RSRP1: variants seen among roughly 807,000 people sequenced by gnomAD.
The protein encoded by RSRP1 is arginine and serine rich protein 1, also known as arginine/serine-rich protein 1.
In RSRP1, 37 loss-of-function variants were observed where a neutral mutation model predicts 33.0. The ratio of observed to expected loss-of-function variants is 1.12; its 90% confidence interval spans 0.86 to 1.48. RSRP1 has a LOEUF of 1.48. Ranked by LOEUF, RSRP1 falls within the 40% of genes most tolerant of loss-of-function variation. The probability of loss-of-function intolerance (pLI) is 0.00; values close to 1 mark genes in which losing one functional copy is unlikely to be tolerated. For synonymous variants in RSRP1, 167 were observed against 158.7 expected, an observed-to-expected ratio of 1.05 and a Z score of -0.40; for missense variants, 402 against 385.3, an observed-to-expected ratio of 1.04 and a Z score of -0.36.
rs371919182 is a variant in RSRP1, at chr1:25,276,383, C to T, written c.-66-29354G>A. On this transcript the variant is annotated intron_variant, in intron 1 of 1. Coordinates refer to the RSRP1 transcript ENST00000561867. ...GTCATCGTGCTGTTCTCTCTGTTTT[C>T]GTATATGCTTTAAAAGTTCTGTAAT... Among the ~76,000 whole-genome samples the T allele has an allele frequency of 1.7e-4, 20 of 119,402 alleles. 3 individuals carry two copies. The highest frequency in any genetic ancestry group is 1.2e-3 in the East Asian group (6 of 4,990). The allele number at this position is 119,402 out of a possible 152,430, so 78.3% of individuals were successfully genotyped here. A position where few individuals can be genotyped will look rare whatever the true frequency, so the allele number is the denominator to read the frequency against.
chr1:25,329,844 G>A (rs1644961694), intron 1 of RSRP1: 1 of 129,676 alleles, frequency 7.7e-6, no homozygotes, highest in South Asian at 2.3e-4. Context: ...ACTTGACAGG[G>A]TTTCACCATG....
At chr1:25,322,607 A>T (rs1475608107) in intron 1 of RSRP1, among the ~76,000 whole-genome samples, 4 of 131,286 alleles carry the variant, frequency 3.0e-5, no homozygotes, top group Admixed American at 3.0e-4. Flanking sequence ...TGGGAAGCGA[A>T]GTTTGCAGTG....
At chr1:25,334,876 C>CG in intron 1 of RSRP1, among the ~76,000 whole-genome samples, 1 of 129,956 alleles carries the variant, frequency 7.7e-6, no homozygotes, top group East Asian at 1.9e-4. Flanking sequence ...ATGAGGACCC[C>CG]GGGCCTGGCC....
At chr1:25,274,554 G>A (rs1407624307) in intron 1 of RSRP1, among the ~76,000 whole-genome samples, 1 of 133,004 alleles carries the variant, frequency 7.5e-6, no homozygotes, top group Non-Finnish European at 1.8e-5. Flanking sequence ...TGTCAGGGGA[G>A]GGAGGTGACT....
intron 1 of RSRP1, among the ~76,000 whole-genome samples, chr1:25,259,699 C>A (rs1380723667): frequency 6.6e-6 from 1 of 151,650 alleles, no homozygotes; most frequent in Non-Finnish European, 1.5e-5. Context: ...CAGGGTTTCA[C>A]CATGTTGGCT....
intron 1 of RSRP1, among the ~76,000 whole-genome samples, chr1:25,304,972 CA>C (rs1441109946): frequency 7.6e-6 from 1 of 132,344 alleles, no homozygotes; most frequent in African/African-American, 2.6e-5. Flanking sequence ...TATATTCATT[CA>C]TTCATCATTC....
intron 1 of RSRP1, among the ~76,000 whole-genome samples, chr1:25,262,889 A>C (rs1443157816): frequency 6.6e-6 from 1 of 152,156 alleles, no homozygotes; most frequent in African/African-American, 2.4e-5. Context: ...TCATATATCA[A>C]TCTCTTCTGG....
intron 1 of RSRP1, chr1:25,330,357 T>C (rs1644976744): frequency 7.5e-6 from 1 of 133,038 alleles, no homozygotes; most frequent in African/African-American, 2.6e-5. Flanking sequence ...AATCTTGTTT[T>C]GCCAATTTTC....
chr1:25,251,272 G>A (rs907275976), upstream of RSRP1, among the ~76,000 whole-genome samples: 3 of 152,136 alleles, frequency 2.0e-5, no homozygotes, highest in African/African-American at 7.2e-5. Flanking sequence ...ATAGAACTAT[G>A]AGATATTAAA....
chr1:25,312,871 G>C lies in RSRP1; in HGVS notation c.-67+25107C>G, dbSNP rs1254389615. ...GGAGTTTGAGGCTGCAGTGAGCTAT[G>C]ATCATGCCACTGCATTCCAGCCTGG... On this transcript the variant is annotated intron_variant, in intron 1 of 1. Coordinates refer to the RSRP1 transcript ENST00000561867. 2.7e-4 allele frequency among the ~76,000 whole-genome samples: 25 copies of C among 91,042 alleles called. 2 individuals carry two copies. The highest frequency in any genetic ancestry group is 9.2e-4 in the African/African-American group (25 of 27,028). The allele number at this position is 91,042 out of a possible 152,430, so 59.7% of individuals were successfully genotyped here.
intron 1 of RSRP1, among the ~76,000 whole-genome samples, chr1:25,275,938 CTG>C (rs1282435446): frequency 1.5e-5 from 2 of 132,524 alleles, no homozygotes; most frequent in African/African-American, 5.2e-5. Context: ...TGCTTCCAAT[CTG>C]TGTTTTTCTG....
chr1:25,273,302 A>ATTTTT lies in RSRP1; in HGVS notation c.-66-26278_-66-26274dup, dbSNP rs750823240. Among the ~76,000 whole-genome samples, 340 of 97,766 alleles carry ATTTTT rather than the reference A, an allele frequency of 3.5e-3. 6 individuals carry two copies. The highest frequency in any genetic ancestry group is 0.012 in the African/African-American group (323 of 27,052). 64.1% of individuals were successfully genotyped at this position (97,766 alleles called of 152,430 possible). On this transcript the variant is annotated intron_variant, in intron 1 of 1. Transcript: ENST00000561867. ...AGGAGGGCACCACCATGCCTGGCTA[A>ATTTTT]TTTTTTTTTTTTTTTTTTTTGGTAG... is the stretch of plus-strand genomic sequence containing the variant.
rs1643249535 is a variant in RSRP1 at position 25,299,885 on chromosome 1, G to C, written c.-67+38093C>G. On this transcript the variant is annotated intron_variant, in intron 1 of 1. Coordinates refer to the RSRP1 transcript ENST00000561867. ...CTGCATCAGCCTCCCAGGTAGATAG[G>C]ATTACAAGCAAGCATCACCACGCCT... Among the ~76,000 whole-genome samples the C allele has an allele frequency of 1.5e-5, 2 of 131,140 alleles. 1 individual carries two copies. The highest frequency in any genetic ancestry group is 4.6e-4 in the South Asian group (2 of 4,336). 86.0% of individuals were successfully genotyped at this position (131,140 alleles called of 152,430 possible). A position where few individuals can be genotyped will look rare whatever the true frequency, so the allele number is the denominator to read the frequency against.
Position 25,303,361 on chromosome 1 carries a change from G to C in RSRP1, c.-67+34617C>G, listed in dbSNP as rs765261145. 3.9e-5 allele frequency: 53 copies of C among 1,373,420 alleles called. 8 individuals carry two copies. In the African/African-American group the frequency reaches 6.4e-4, roughly 17 times the overall value. The allele number at this position is 1,373,420 out of a possible 1,614,324, so 85.1% of individuals were successfully genotyped here. Reference sequence around the variant, plus strand: ...TGCGGTGTTGGCAGGAGGCGTGGCTGTGGGTACCTCGTGTCACCTGATCCC... The same window carrying C: ...TGCGGTGTTGGCAGGAGGCGTGGCTCTGGGTACCTCGTGTCACCTGATCCC... On this transcript the variant is annotated intron_variant, in intron 1 of 1. Transcript: ENST00000561867.
upstream of RSRP1, chr1:25,247,593 G>A (rs540298312): frequency 6.6e-6 from 1 of 152,326 alleles, no homozygotes; most frequent in African/African-American, 2.4e-5. Flanking sequence ...CGCGCCCTGT[G>A]CCTCGAGCGC....
At position 25,306,486 on chromosome 1, in the gene RSRP1, T is replaced by C; in HGVS notation, c.-67+31492A>G. 11 of 1,046,800 alleles carry C rather than the reference T, an allele frequency of 1.1e-5. 3 individuals are homozygous for C. The highest frequency in any genetic ancestry group is 1.6e-5 in the Non-Finnish European group (11 of 683,892). The allele number at this position is 1,046,800 out of a possible 1,614,324, so 64.8% of individuals were successfully genotyped here. A position where few individuals can be genotyped will look rare whatever the true frequency, so the allele number is the denominator to read the frequency against. On this transcript the variant is annotated intron_variant, in intron 1 of 1. Transcript: ENST00000561867. ...GAGAAGGGCTTCTTTGAGGTGAGCC[T>C]TAGTGCCCATCCCCCTTTGGTGGCC...
At chr1:25,286,003 T>C (rs1641955349) in intron 1 of RSRP1, among the ~76,000 whole-genome samples, 1 of 134,824 alleles carries the variant, frequency 7.4e-6, no homozygotes, top group Non-Finnish European at 1.8e-5. Context: ...TAACCTGGTA[T>C]ACAGGTAAGG....
At chr1:25,262,098 T>C (rs1391941092) in intron 1 of RSRP1, among the ~76,000 whole-genome samples, 1 of 152,218 alleles carries the variant, frequency 6.6e-6, no homozygotes, top group African/African-American at 2.4e-5. Context: ...AAGTGTATTC[T>C]AGAAACTGTT....
At chr1:25,315,467 T>C (rs1300211184) in intron 1 of RSRP1, among the ~76,000 whole-genome samples, 1 of 127,536 alleles carries the variant, frequency 7.8e-6, no homozygotes, top group Non-Finnish European at 1.8e-5. Context: ...GCAACTCTTT[T>C]TATCTTTTTA....
Sources: gnomAD v4.1 joint callset for allele counts (sites outside exome capture counted in the v4.1 genomes callset) on GRCh38, gnomAD v4.1.1 for gene constraint, MANE v1.5 for transcripts, NCBI Gene and HGNC (gene_info 2026-07-23, HGNC 2026-07-21) for gene names.